The following CASP8 variants were observed in gnomAD, a reference collection of about 807,000 sequenced individuals.
CASP8 encodes caspase-8.
In CASP8, 24 loss-of-function variants were observed where a neutral mutation model predicts 46.3. The observed-to-expected ratio is 0.52, with a 90% CI of 0.38 to 0.73. CASP8 has a LOEUF of 0.73. Ranked by LOEUF, CASP8 falls within the 30% of genes least tolerant of loss-of-function variation. The probability of loss-of-function intolerance (pLI) is 0.00; values close to 1 mark genes in which losing one functional copy is unlikely to be tolerated. For synonymous variants in CASP8, 188 were observed against 200.4 expected (o/e 0.94, Z 0.52); for missense variants, 460 against 559.0 (o/e 0.82, Z 1.79).
At chr2:201,238,384 T>C (rs1946146297) in intron 2 of CASP8, among the ~76,000 whole-genome samples, 1 of 152,230 alleles carries the variant, frequency 6.6e-6, no homozygotes, top group Non-Finnish European at 1.5e-5. Context: ...CACCTCAGCG[T>C]AGGAAACAAT....
Position 201,286,616 on chromosome 2 carries a change from G to A in CASP8, c.*22G>A. On this transcript the variant is annotated 3_prime_UTR_variant, in exon 9 of 9. Transcript: ENST00000673742. Reference sequence around the variant, plus strand: ...TTGATGGTGCTATTTTGTTTGTTTTGTTTTGTTTTGTTTTTTTGAGACAGA... The same window carrying A: ...TTGATGGTGCTATTTTGTTTGTTTTATTTTGTTTTGTTTTTTTGAGACAGA... 6.2e-7 allele frequency: 1 copy of A among 1,606,520 alleles called. No homozygotes were observed. The highest frequency in any genetic ancestry group is 8.5e-7 in the Non-Finnish European group (1 of 1,174,698).
intron 6 of CASP8, among the ~76,000 whole-genome samples, chr2:201,276,182 T>C (rs376675288): frequency 5.4e-4 from 82 of 152,218 alleles, no homozygotes; most frequent in African/African-American, 1.8e-3. Context: ...CACAGCGCCA[T>C]CCCTGGCCAG....
At position 201,254,816 on chromosome 2, in the gene CASP8, T is replaced by A. The variant is rs36017352; in HGVS notation, c.-26-11645T>A. On this transcript the variant is annotated intron_variant, in intron 2 of 6. Coordinates refer to the CASP8 transcript ENST00000264274. The stretch of plus-strand genomic sequence containing the variant: ...TGAGATTCTAGAGGGTGGAAACCAC[T>A]TGGAGATTGAGTCAAAGCAGACCTG... Among the ~76,000 whole-genome samples the A allele has an allele frequency of 3.5e-3, 536 of 152,290 alleles. 1 individual carries two copies. Among genetic ancestry groups the A allele is most frequent in the South Asian group, 7.5e-3 (36 of 4,826 alleles).
intron 1 of CASP8, chr2:201,262,194 C>T (rs1947468033): frequency 6.6e-6 from 1 of 152,052 alleles, no homozygotes; most frequent in South Asian, 2.1e-4. Flanking sequence ...TTAAATCTGG[C>T]TGTGGCTCTC....
rs1371182274 is a variant in CASP8 at position 201,278,873 on chromosome 2, T to C, written c.802+1905T>C. On this transcript the variant is annotated intron_variant, in intron 7 of 8. Coordinates refer to ENST00000673742, the MANE Select transcript of CASP8 (RefSeq NM_001372051.1). ...TGATGACTTATGTTTAGCTCTGATG[T>C]GCTGACAGGGACAAAATGCTGGAGA... 2.0e-5 allele frequency among the ~76,000 whole-genome samples: 3 copies of C among 152,250 alleles called. No homozygotes were observed. In the East Asian group the frequency reaches 5.8e-4, roughly 29 times the overall value.
rs184169049 is a variant in CASP8, at chr2:201,278,783, C to T, written c.802+1815C>T. 1.8e-3 allele frequency among the ~76,000 whole-genome samples: 279 copies of T among 152,248 alleles called. 2 individuals carry two copies. The highest frequency in any genetic ancestry group is 6.0e-3 in the East Asian group (31 of 5,174). On this transcript the variant is annotated intron_variant, in intron 7 of 8. Transcript: ENST00000673742. ...CTGACCTCAGGTGATCCACTCGCCT[C>T]GGCCTACCAAAGTGCTGGGATTACA... is the stretch of plus-strand genomic sequence containing the variant.
chr2:201,237,923 C>T (rs1421915693), intron 2 of CASP8, among the ~76,000 whole-genome samples: 4 of 152,124 alleles, frequency 2.6e-5, no homozygotes, highest in East Asian at 1.9e-4. Context: ...TGGCATTTTG[C>T]GATCTCATCA....
intron 2 of CASP8, among the ~76,000 whole-genome samples, chr2:201,244,369 A>G (rs2124932907): frequency 6.6e-6 from 1 of 152,360 alleles, no homozygotes; most frequent in South Asian, 2.1e-4. Context: ...CTTGGAAGTC[A>G]CACAGTCTAT....
At chr2:201,281,856 T>C in intron 7 of CASP8, 1 of 1,474,308 alleles carries the variant, frequency 6.8e-7, no homozygotes, top group South Asian at 1.2e-5. Flanking sequence ...TTTTAGCTGG[T>C]GGCAATAAAT....
At chr2:201,267,760 C>T (rs1174260597) in intron 2 of CASP8, among the ~76,000 whole-genome samples, 4 of 152,150 alleles carry the variant, frequency 2.6e-5, no homozygotes, top group Non-Finnish European at 5.9e-5. Flanking sequence ...CGTTCTGGGC[C>T]CATTTCATTG....
At chr2:201,280,217 A>G (rs1202685135) in intron 7 of CASP8, among the ~76,000 whole-genome samples, 1 of 152,148 alleles carries the variant, frequency 6.6e-6, no homozygotes, top group Non-Finnish European at 1.5e-5. Flanking sequence ...TAGAAGATAA[A>G]GTCTAAGGAA....
At chr2:201,269,632 G>A (rs911424524) in intron 2 of CASP8, 6 of 1,534,734 alleles carry the variant, frequency 3.9e-6, no homozygotes, top group Non-Finnish European at 5.4e-6. Flanking sequence ...AATCTTTAAT[G>A]TATTGGCTTA....
chr2:201,238,347 A>T (rs1946144460), intron 2 of CASP8, among the ~76,000 whole-genome samples: 1 of 152,214 alleles, frequency 6.6e-6, no homozygotes, highest in Non-Finnish European at 1.5e-5. Flanking sequence ...GGTTATCTAC[A>T]AGATAATTTC....
At chr2:201,257,022 GT>G (rs1947050716), upstream of CASP8, among the ~76,000 whole-genome samples, 3 of 152,114 alleles carry the variant, frequency 2.0e-5, no homozygotes, top group South Asian at 6.2e-4. Flanking sequence ...GCGCATGCCT[GT>G]AATCCCAGCT....
intron 3 of CASP8, 98 bp downstream of exon 3, chr2:201,271,719 T>A: frequency 1.3e-6 from 1 of 766,636 alleles, no homozygotes. Flanking sequence ...AAAAGCAACC[T>A]GGATTCTCAC....
chr2:201,264,553 A>G (rs757636497), intron 1 of CASP8, among the ~76,000 whole-genome samples: 16 of 152,124 alleles, frequency 1.1e-4, no homozygotes, highest in Non-Finnish European at 1.9e-4. Context: ...AGCAGTATCT[A>G]TTGGAAATTC....
chr2:201,238,551 C>T (rs1248659317), intron 2 of CASP8, among the ~76,000 whole-genome samples: 1 of 151,980 alleles, frequency 6.6e-6, no homozygotes, highest in Non-Finnish European at 1.5e-5. Flanking sequence ...AAGCAATTCT[C>T]CTGCCTCAGC....
rs2125255316 is a variant in CASP8, at chr2:201,272,706, G to C, written c.480G>C (p.Leu160=). Residue 160 remains leucine (L), a synonymous_variant, in exon 4 of 9, where the codon CTG becomes CTC. Coordinates refer to ENST00000673742, the MANE Select transcript of CASP8 (RefSeq NM_001372051.1). The surrounding 1 kb of genome is among the most constrained non-coding windows in gnomAD (Gnocchi z 4.4). ...VILGEGKLDI[L]KRVCAQINKS... ...TGGGAGAAGGAAAGTTGGACATCCT[G>C]AAAAGAGTCTGTGCCCAAATCAACA... The C allele has an allele frequency of 3.1e-6, 5 of 1,614,140 alleles. No individual in the cohort carries two copies. The highest frequency in any genetic ancestry group is 4.2e-6 in the Non-Finnish European group (5 of 1,179,994).
At position 201,286,710 on chromosome 2, in the gene CASP8, G is replaced by A; in HGVS notation, c.*116G>A. 1 of 888,556 alleles carries A rather than the reference G, an allele frequency of 1.1e-6. No homozygotes were observed. The highest frequency in any genetic ancestry group is 1.8e-6 in the Non-Finnish European group (1 of 564,694). The allele number at this position is 888,556 out of a possible 1,614,324, so 55.0% of individuals were successfully genotyped here. A position where few individuals can be genotyped will look rare whatever the true frequency, so the allele number is the denominator to read the frequency against. On this transcript the variant is annotated 3_prime_UTR_variant, in exon 9 of 9. Coordinates refer to ENST00000673742, the MANE Select transcript of CASP8 (RefSeq NM_001372051.1). ...GGCTCACCGCAAGCTCCGCCTCCCG[G>A]GTTCAGGCCATTCTCCTGCCTCAGC...
Sources: allele counts gnomAD v4.1 joint callset (sites outside exome capture counted in the v4.1 genomes callset), GRCh38; gene constraint gnomAD v4.1.1; non-coding constraint Gnocchi (gnomAD v3.1); transcripts MANE v1.5; gene names NCBI Gene and HGNC (gene_info 2026-07-23, HGNC 2026-07-21).